Variants in FAAH2 observed in about 807,000 individuals in gnomAD.
FAAH2 encodes fatty acid amide hydrolase 2.
A neutral mutation model predicts 36.9 loss-of-function variants in FAAH2; 60 were observed. That is an observed-to-expected ratio of 1.63 (90% CI 1.32 to 2.02). The LOEUF (loss-of-function observed/expected upper bound fraction) is 2.02, where lower values mean the gene tolerates loss of function less well. Ranked by LOEUF, FAAH2 falls within the 30% of genes most tolerant of loss-of-function variation. FAAH2 has a pLI of 0.00. For missense variants in FAAH2, 689 were observed against 397.5 expected (o/e 1.73, Z -6.23); for synonymous variants, 214 against 143.8 (o/e 1.49, Z -3.49).
At chrX:57,236,298 A>T in the FAAH2 span, among the ~76,000 whole-genome samples, 1 of 112,436 alleles carries the variant, frequency 8.9e-6, no homozygotes, top group Non-Finnish European at 1.9e-5. Context: ...GATGCTTTAT[A>T]AACACAGGAG....
chrX:57,407,607 A>C (rs1243447720), intron 7 of FAAH2, among the ~76,000 whole-genome samples: 1 of 111,529 alleles, frequency 9.0e-6, no homozygotes, highest in African/African-American at 3.3e-5. Flanking sequence ...CTCTTCCCTC[A>C]GCTTTCCACT....
chrX:57,478,572 T>C (rs927163036), intron 10 of FAAH2, among the ~76,000 whole-genome samples: 2 of 112,030 alleles, frequency 1.8e-5, no homozygotes, highest in African/African-American at 6.5e-5. Context: ...CATGCCTATG[T>C]CCTGAATGGT....
chrX:57,391,097 A>AT (rs199544809), intron 7 of FAAH2, among the ~76,000 whole-genome samples: 20 of 109,600 alleles, frequency 1.8e-4, no homozygotes, highest in Admixed American at 3.9e-4. Flanking sequence ...CCTTTTCATA[A>AT]TTTTTTTTTG....
At chrX:57,151,144 G>C in the FAAH2 span, among the ~76,000 whole-genome samples, 7 of 112,336 alleles carry the variant, frequency 6.2e-5, no homozygotes, top group African/African-American at 2.3e-4. Flanking sequence ...TTAGTCTGAT[G>C]GGCTTCCCCT....
At chrX:57,185,493 T>TGTGTGTGC in the FAAH2 span, among the ~76,000 whole-genome samples, 5,132 of 92,167 alleles carry the variant, frequency 0.056, 340 homozygotes, top group African/African-American at 0.26. Flanking sequence ...TGTCTCTGTG[T>TGTGTGTGC]GTGTGTGTGT....
the FAAH2 span, among the ~76,000 whole-genome samples, chrX:57,213,571 A>T: frequency 1.8e-5 from 2 of 111,156 alleles, no homozygotes; most frequent in Admixed American, 9.6e-5. Context: ...TTCCATTTTT[A>T]TTTTATCATC....
intron 7 of FAAH2, among the ~76,000 whole-genome samples, chrX:57,405,002 G>A (rs983625709): frequency 8.9e-6 from 1 of 111,862 alleles, no homozygotes; most frequent in African/African-American, 3.3e-5. Context: ...ACACAGAAGG[G>A]TTGGGGGTTG....
chrX:57,318,832 C>T (rs1217877058), intron 3 of FAAH2, among the ~76,000 whole-genome samples: 1 of 111,805 alleles, frequency 8.9e-6, no homozygotes, highest in Admixed American at 9.5e-5. Context: ...ACTATCAAGT[C>T]AGCTTCATCC....
the FAAH2 span, among the ~76,000 whole-genome samples, chrX:57,219,920 TAATGGGTCCA>T: frequency 5.6e-5 from 5 of 88,622 alleles, no homozygotes; most frequent in African/African-American, 2.3e-4. Context: ...ATGAATTAAA[TAATGGGTCCA>T]AATGGCCCGC....
At chrX:57,324,447 T>C (rs11091642) in intron 3 of FAAH2, among the ~76,000 whole-genome samples, 23,779 of 111,156 alleles carry the variant, frequency 0.21, 2,308 homozygotes, top group Middle Eastern at 0.55. Context: ...GCCATTTTCA[T>C]GATATTGATT....
chrX:57,445,888 T>C (rs1307352255), intron 8 of FAAH2, among the ~76,000 whole-genome samples: 1 of 111,632 alleles, frequency 9.0e-6, no homozygotes, highest in Admixed American at 9.5e-5. Context: ...AGCTCCAGGG[T>C]TTTTCCAAGG....
intron 7 of FAAH2, among the ~76,000 whole-genome samples, chrX:57,407,513 T>A (rs902531942): frequency 1.2e-4 from 13 of 112,221 alleles, no homozygotes; most frequent in African/African-American, 4.2e-4. Context: ...TCCAAGCTTT[T>A]TGGGGGCCAA....
At chrX:57,478,682 A>T (rs2057319133) in intron 10 of FAAH2, among the ~76,000 whole-genome samples, 1 of 111,575 alleles carries the variant, frequency 9.0e-6, no homozygotes, top group African/African-American at 3.3e-5. Context: ...TAAGGAAGGG[A>T]TCCAGTTTCA....
chrX:57,379,024 C>T (rs1236841039), intron 6 of FAAH2, among the ~76,000 whole-genome samples: 2 of 111,572 alleles, frequency 1.8e-5, no homozygotes, highest in East Asian at 2.8e-4. Flanking sequence ...GGGAAGGAAA[C>T]AGTGAATCTT....
intron 3 of FAAH2, among the ~76,000 whole-genome samples, chrX:57,331,268 C>T (rs921681737): frequency 1.1e-4 from 12 of 111,503 alleles, no homozygotes; most frequent in African/African-American, 3.6e-4. Flanking sequence ...ATTCTAGAGG[C>T]CCATGTAGAA....
In FAAH2 at chrX:57,289,835, G is replaced by T. The variant is rs760081745; in HGVS notation, c.193-2663G>T. 2.8e-3 allele frequency among the ~76,000 whole-genome samples: 308 copies of T among 110,678 alleles called. 1 individual carries two copies. The highest frequency in any genetic ancestry group is 4.5e-3 in the Non-Finnish European group (237 of 52,881). On this transcript the variant is annotated intron_variant, in intron 1 of 10. Transcript: ENST00000374900. ...TGTGAAGAAGGGAGAGAGAGCTGAA[G>T]AGAGGGGAGAAGGGAATAAGGGAGA...
chrX:57,193,503 A>T, the FAAH2 span, among the ~76,000 whole-genome samples: 8 of 111,522 alleles, frequency 7.2e-5, no homozygotes, highest in Non-Finnish European at 1.5e-4. Flanking sequence ...TGTGACCCAC[A>T]CCCTATTTGT....
chrX:57,317,415 AAAG>A (rs1394447522), intron 3 of FAAH2, among the ~76,000 whole-genome samples: 3 of 112,394 alleles, frequency 2.7e-5, no homozygotes, highest in Non-Finnish European at 5.6e-5. Flanking sequence ...GAAAAAAGAC[AAAG>A]AAGGGCATTA....
chrX:57,344,979 TAA>T (rs1274356621), intron 5 of FAAH2, among the ~76,000 whole-genome samples: 2 of 111,252 alleles, frequency 1.8e-5, no homozygotes, highest in Non-Finnish European at 3.8e-5. Flanking sequence ...GCTGCTGAAA[TAA>T]GTTTGCTAGT....
Sources: allele counts gnomAD v4.1 joint callset (sites outside exome capture counted in the v4.1 genomes callset), GRCh38; gene constraint gnomAD v4.1.1; transcripts MANE v1.5; gene names NCBI Gene and HGNC (gene_info 2026-07-23, HGNC 2026-07-21).